The following ATP8A2 variants were observed in gnomAD, a reference collection of about 807,000 sequenced individuals.
ATP8A2 encodes phospholipid-transporting ATPase IB.
In ATP8A2, 100 loss-of-function variants were observed where a neutral mutation model predicts 165.6. That is an observed-to-expected ratio of 0.60 (90% confidence interval 0.51 to 0.71). The LOEUF (loss-of-function observed/expected upper bound fraction) is 0.71, where lower values mean the gene tolerates loss of function less well. Among genes scored for constraint, ATP8A2 ranks in the 30% least tolerant of loss-of-function variants. The pLI is 0.00. For synonymous variants in ATP8A2, 543 were observed against 548.8 expected, an observed-to-expected ratio of 0.99 and a Z score of 0.15; for missense variants, 1,227 against 1,479.5, an observed-to-expected ratio of 0.83 and a Z score of 2.80.
At chr13:25,414,294 G>A (rs539841961) in intron 1 of ATP8A2, among the ~76,000 whole-genome samples, 18 of 150,702 alleles carry the variant, frequency 1.2e-4, no homozygotes, top group Admixed American at 8.6e-4. Flanking sequence ...GGGTTCAAGC[G>A]ATTTTCCTGC....
At chr13:25,513,651 C>T (rs1038783306) in intron 2 of ATP8A2, among the ~76,000 whole-genome samples, 11 of 152,082 alleles carry the variant, frequency 7.2e-5, no homozygotes, top group African/African-American at 2.4e-4. Context: ...CGCCACTGCA[C>T]TCCAGCCTGG....
intron 19 of ATP8A2, among the ~76,000 whole-genome samples, chr13:25,576,228 C>G (rs1438148133): frequency 1.3e-5 from 2 of 152,128 alleles, no homozygotes; most frequent in Non-Finnish European, 2.9e-5. Flanking sequence ...AAGAGAGACT[C>G]TCCCCGACTC....
intron 2 of ATP8A2, among the ~76,000 whole-genome samples, chr13:25,506,937 G>GCACATATATATATATATA (rs1234014087): frequency 7.5e-5 from 5 of 66,418 alleles, no homozygotes; most frequent in Non-Finnish European, 1.3e-4. Flanking sequence ...ATACAGTACA[G>GCACATATATATATATATA]TACATATATA....
intron 2 of ATP8A2, among the ~76,000 whole-genome samples, chr13:25,483,595 G>A (rs973693786): frequency 2.0e-5 from 3 of 152,160 alleles, no homozygotes; most frequent in Non-Finnish European, 4.4e-5. Flanking sequence ...ATAGCTTACA[G>A]CATGATGAGA....
intron 2 of ATP8A2, among the ~76,000 whole-genome samples, chr13:25,520,935 C>A (rs1390236093): frequency 6.6e-6 from 1 of 152,060 alleles, no homozygotes; most frequent in African/African-American, 2.4e-5. Context: ...TTTTGAGGAA[C>A]CTCCATGCTG....
intron 33 of ATP8A2, among the ~76,000 whole-genome samples, chr13:25,865,946 T>C (rs967315768): frequency 2.0e-5 from 3 of 152,162 alleles, no homozygotes; most frequent in African/African-American, 7.2e-5. Flanking sequence ...GGTGTTTTTC[T>C]TTTCCCCAGT....
intron 24 of ATP8A2, among the ~76,000 whole-genome samples, chr13:25,594,984 G>GTGTATATA (rs150738527): frequency 1.8e-3 from 260 of 142,812 alleles, no homozygotes; most frequent in Middle Eastern, 7.2e-3. Flanking sequence ...GTGTGTGTGT[G>GTGTATATA]TATATATATA....
At chr13:25,913,483 C>A (rs7358822) in intron 33 of ATP8A2, among the ~76,000 whole-genome samples, 13,056 of 152,136 alleles carry the variant, frequency 0.086, 712 homozygotes, top group African/African-American at 0.13. Context: ...TGGAAGGAGA[C>A]CATTTAAGCA....
In ATP8A2 at chr13:25,764,099, T is replaced by C. The variant is rs117682720; in HGVS notation, c.2385-4947T>C. On this transcript the variant is annotated intron_variant, in intron 25 of 36. Coordinates refer to ENST00000381655, the MANE Select transcript of ATP8A2 (RefSeq NM_016529.6). ...AACAGGAAAATGAACACTTTTCCAATTGAAATCTTCTGATATATTGGAGCA... is the reference window on the plus strand; with the variant it reads ...AACAGGAAAATGAACACTTTTCCAACTGAAATCTTCTGATATATTGGAGCA... 8.3e-4 allele frequency among the ~76,000 whole-genome samples: 126 copies of C among 152,358 alleles called. 3 individuals carry two copies. The East Asian group carries it at 0.019, about 23-fold the overall frequency.
intron 1 of ATP8A2, among the ~76,000 whole-genome samples, chr13:25,392,801 C>T (rs910399141): frequency 2.0e-5 from 3 of 151,806 alleles, no homozygotes; most frequent in African/African-American, 7.3e-5. Flanking sequence ...CTAAGCCGGG[C>T]GTGGTGGCTC....
At chr13:25,563,787 T>G (rs1000167895) in intron 15 of ATP8A2, among the ~76,000 whole-genome samples, 169 bp from the exon 16 acceptor site, 4 of 152,332 alleles carry the variant, frequency 2.6e-5, no homozygotes, top group African/African-American at 9.6e-5. Flanking sequence ...CAGGATTAAT[T>G]GTTTTGAGGT....
chr13:25,972,502 T>C (rs1301716094), intron 35 of ATP8A2, among the ~76,000 whole-genome samples: 2 of 152,222 alleles, frequency 1.3e-5, no homozygotes, highest in African/African-American at 4.8e-5. Flanking sequence ...GGAGTGTTTT[T>C]CACGATGTGG....
At chr13:25,977,325 A>G (rs1013718804) in intron 35 of ATP8A2, among the ~76,000 whole-genome samples, 1 of 151,876 alleles carries the variant, frequency 6.6e-6, no homozygotes, top group Non-Finnish European at 1.5e-5. Flanking sequence ...TGGAGAGCCA[A>G]CGACGCTCCC....
At chr13:25,950,070 G>A (rs894424668) in intron 33 of ATP8A2, among the ~76,000 whole-genome samples, 5 of 152,140 alleles carry the variant, frequency 3.3e-5, no homozygotes, top group Non-Finnish European at 7.3e-5. Flanking sequence ...AAAGTGCAGG[G>A]ATTACAGGTG....
chr13:25,642,737 C>T (rs940767297), intron 24 of ATP8A2, among the ~76,000 whole-genome samples: 19 of 152,212 alleles, frequency 1.2e-4, no homozygotes, highest in African/African-American at 4.6e-4. Context: ...GATTATAAAT[C>T]CTGCTGCTAT....
At chr13:25,506,486 C>G (rs1023357475) in intron 2 of ATP8A2, among the ~76,000 whole-genome samples, 5 of 152,214 alleles carry the variant, frequency 3.3e-5, no homozygotes, top group Non-Finnish European at 5.9e-5. Context: ...AAAAAGTCAT[C>G]AAGGCAGATA....
intron 26 of ATP8A2, among the ~76,000 whole-genome samples, chr13:25,774,495 A>G (rs984377608): frequency 6.6e-6 from 1 of 152,124 alleles, no homozygotes; most frequent in African/African-American, 2.4e-5. Flanking sequence ...ACTGCAGCAA[A>G]CCATCATGGC....
chr13:25,878,415 A>G (rs1391974914), intron 33 of ATP8A2, among the ~76,000 whole-genome samples: 1 of 151,994 alleles, frequency 6.6e-6, no homozygotes, highest in Non-Finnish European at 1.5e-5. Context: ...GCGAGTCCAT[A>G]GAGTAAAGTG....
intron 1 of ATP8A2, among the ~76,000 whole-genome samples, chr13:25,434,245 C>T (rs1566129774): frequency 6.6e-6 from 1 of 152,182 alleles, no homozygotes; most frequent in Non-Finnish European, 1.5e-5. Context: ...AGGACACTGA[C>T]CCACAGTTTG....
Sources: allele counts gnomAD v4.1 joint callset (sites outside exome capture counted in the v4.1 genomes callset), GRCh38; gene constraint gnomAD v4.1.1; transcripts MANE v1.5; gene names NCBI Gene and HGNC (gene_info 2026-07-23, HGNC 2026-07-21).